IQCJ: variants seen among roughly 807,000 people sequenced by gnomAD.
IQCJ encodes the protein IQ motif containing J, also known as IQ domain-containing protein J.
Under a neutral mutation model 11.0 loss-of-function variants are expected in IQCJ, and 9 were observed. That is an observed-to-expected ratio of 0.82 (90% CI 0.49 to 1.43). The LOEUF (loss-of-function observed/expected upper bound fraction) is 1.43. Among genes scored for constraint, IQCJ ranks in the 40% most tolerant of loss-of-function variants. The pLI is 0.00. For missense variants in IQCJ, 146 were observed against 133.2 expected, an observed-to-expected ratio of 1.10 and a Z score of -0.47; for synonymous variants, 55 against 51.3, an observed-to-expected ratio of 1.07 and a Z score of -0.31.
At chr3:159,220,048 C>G (rs978697610) in intron 1 of IQCJ, among the ~76,000 whole-genome samples, 1 of 152,146 alleles carries the variant, frequency 6.6e-6, no homozygotes, top group Non-Finnish European at 1.5e-5. Flanking sequence ...TTACAAGTGG[C>G]GTGCTTCCAT....
intron 1 of IQCJ, among the ~76,000 whole-genome samples, chr3:159,240,293 A>T (rs902825303): frequency 6.6e-6 from 1 of 152,218 alleles, no homozygotes; most frequent in African/African-American, 2.4e-5. Context: ...ATTAGCTTTC[A>T]CTTACTATGA....
intron 1 of IQCJ, among the ~76,000 whole-genome samples, chr3:159,225,024 C>T (rs144984227): frequency 0.012 from 1,794 of 152,124 alleles, 30 homozygotes; most frequent in African/African-American, 0.04. Flanking sequence ...TAAAATTTGG[C>T]GTTATCTCAT....
intron 1 of IQCJ, among the ~76,000 whole-genome samples, chr3:159,161,670 C>G (rs546138289): frequency 6.6e-6 from 1 of 152,108 alleles, no homozygotes; most frequent in African/African-American, 2.4e-5. Context: ...TTAGGTCTAA[C>G]GTTTAAGTTT....
chr3:159,265,466 T>C, downstream of IQCJ: 2 of 1,317,638 alleles, frequency 1.5e-6, no homozygotes, highest in Non-Finnish European at 2.1e-6. Flanking sequence ...AAGCCTGTCA[T>C]CAAGAAATGA....
chr3:159,206,987 T>C (rs181673355), intron 1 of IQCJ, among the ~76,000 whole-genome samples: 6 of 152,360 alleles, frequency 3.9e-5, no homozygotes, highest in African/African-American at 1.4e-4. Context: ...GAGATATTTG[T>C]ATTTGCTGAC....
intron 1 of IQCJ, among the ~76,000 whole-genome samples, chr3:159,101,235 G>A (rs1346747943): frequency 1.2e-4 from 18 of 147,334 alleles, no homozygotes; most frequent in African/African-American, 4.3e-4. Flanking sequence ...GCTCGCGCAC[G>A]GTGCGCACAC....
intron 1 of IQCJ, among the ~76,000 whole-genome samples, chr3:159,216,394 G>A (rs1725236787): frequency 6.6e-6 from 1 of 152,072 alleles, no homozygotes; most frequent in African/African-American, 2.4e-5. Flanking sequence ...CTTTTCAGAT[G>A]CTTCTGCATG....
intron 1 of IQCJ, among the ~76,000 whole-genome samples, chr3:159,229,028 C>T (rs1726030633): frequency 2.0e-5 from 3 of 152,210 alleles, no homozygotes; most frequent in Non-Finnish European, 4.4e-5. Context: ...TTCTAATCCA[C>T]AGTGGTGTTA....
In IQCJ at chr3:159,247,679, T is replaced by A. The variant is rs1158093690; in HGVS notation, c.74+1772T>A. 2.6e-5 allele frequency among the ~76,000 whole-genome samples: 4 copies of A among 152,156 alleles called. 1 individual carries two copies. In the Middle Eastern group the frequency reaches 9.5e-3, roughly 361 times the overall value. On this transcript the variant is annotated intron_variant, in intron 2 of 3. Coordinates refer to ENST00000397832, the MANE Select transcript of IQCJ (RefSeq NM_001042706.3). ...AGACTAGGTAGGTCAGAGAATTTGT[T>A]TATGACCAGATTTTACACAGAAAAG...
chr3:159,263,237 C>A lies in IQCJ; in HGVS notation c.*506C>A. The A allele has an allele frequency of 3.1e-6, 1 of 323,188 alleles. No individual in the cohort carries two copies. Among genetic ancestry groups the A allele is most frequent in the Non-Finnish European group, 4.5e-6 (1 of 224,556 alleles). 20.0% of individuals were successfully genotyped at this position (323,188 alleles called of 1,614,324 possible). On this transcript the variant is annotated 3_prime_UTR_variant, in exon 4 of 4. Coordinates refer to ENST00000397832, the MANE Select transcript of IQCJ (RefSeq NM_001042706.3). ...GCACTTGGCTCCTGACAATGTGACA[C>A]CATGTGGCGATACAGGCAGGCATGG...
At chr3:159,069,479 T>C (rs1715390103) in intron 1 of IQCJ, 38 bp downstream of exon 1, 2 of 1,589,884 alleles carry the variant, frequency 1.3e-6, no homozygotes, top group Non-Finnish European at 1.7e-6. Flanking sequence ...CACTTTGATG[T>C]GCATTATATG....
chr3:159,227,886 C>T (rs991211134), intron 1 of IQCJ, among the ~76,000 whole-genome samples: 15 of 152,172 alleles, frequency 9.9e-5, no homozygotes, highest in African/African-American at 3.4e-4. Flanking sequence ...ATGAGTATTT[C>T]GCATTGAAGA....
chr3:159,129,166 AT>A (rs1719848363), intron 1 of IQCJ, among the ~76,000 whole-genome samples: 1 of 152,222 alleles, frequency 6.6e-6, no homozygotes, highest in Non-Finnish European at 1.5e-5. Context: ...TAGTATTTCC[AT>A]CTCGTAGATA....
intron 1 of IQCJ, among the ~76,000 whole-genome samples, chr3:159,180,570 G>A (rs1018229814): frequency 2.0e-5 from 3 of 151,908 alleles, no homozygotes; most frequent in African/African-American, 7.3e-5. Flanking sequence ...TGATAAATAG[G>A]TGAATAATTG....
chr3:159,205,575 A>C (rs1362146465), intron 1 of IQCJ, among the ~76,000 whole-genome samples: 1 of 152,210 alleles, frequency 6.6e-6, no homozygotes, highest in Admixed American at 6.5e-5. Context: ...GTCCAGCCCC[A>C]ACCCCAATAA....
At chr3:159,245,598 A>G (rs990628924) in intron 1 of IQCJ, among the ~76,000 whole-genome samples, 1 of 151,308 alleles carries the variant, frequency 6.6e-6, no homozygotes, top group Non-Finnish European at 1.5e-5. Context: ...AGTAGCTGGG[A>G]CTACAGGCAC....
At chr3:159,111,042 G>A (rs975139227) in intron 1 of IQCJ, among the ~76,000 whole-genome samples, 3 of 152,206 alleles carry the variant, frequency 2.0e-5, no homozygotes, top group African/African-American at 7.2e-5. Flanking sequence ...AATAGTTTCA[G>A]ATGTTTGCCC....
At chr3:159,104,206 C>G (rs1336669423) in intron 1 of IQCJ, among the ~76,000 whole-genome samples, 2 of 152,244 alleles carry the variant, frequency 1.3e-5, no homozygotes, top group East Asian at 3.8e-4. Context: ...CCCACTTCAG[C>G]CCTCTTGTTG....
chr3:159,167,038 A>G (rs1722208478), intron 1 of IQCJ, among the ~76,000 whole-genome samples: 1 of 152,234 alleles, frequency 6.6e-6, no homozygotes, highest in African/African-American at 2.4e-5. Context: ...ACTTGCATAT[A>G]CAAGGCTGCC....
Sources: gnomAD v4.1 joint callset for allele counts (sites outside exome capture counted in the v4.1 genomes callset) on GRCh38, gnomAD v4.1.1 for gene constraint, MANE v1.5 for transcripts, NCBI Gene and HGNC (gene_info 2026-07-23, HGNC 2026-07-21) for gene names.